Variants in CTNNA3 observed in about 807,000 individuals in gnomAD.
CTNNA3 encodes the protein catenin alpha 3.
Under a neutral mutation model 95.7 loss-of-function variants are expected in CTNNA3, and 76 were observed. The ratio of observed to expected loss-of-function variants is 0.79; its 90% confidence interval spans 0.66 to 0.96. The LOEUF (loss-of-function observed/expected upper bound fraction) is 0.96, where lower values mean the gene tolerates loss of function less well. CTNNA3 is among the 40% of genes least tolerant of loss of function. The pLI is 0.00. For synonymous variants in CTNNA3, 431 were observed against 374.4 expected (o/e 1.15, Z -1.74); for missense variants, 1,191 against 1,089.8 (o/e 1.09, Z -1.31).
At chr10:67,459,530 A>C (rs960067914) in intron 5 of CTNNA3, among the ~76,000 whole-genome samples, 2 of 152,102 alleles carry the variant, frequency 1.3e-5, no homozygotes, top group Non-Finnish European at 2.9e-5. Flanking sequence ...ATGTTTTATA[A>C]GTCTTCTCTA....
intron 1 of CTNNA3, among the ~76,000 whole-genome samples, chr10:67,663,117 T>C (rs539269000): frequency 5.9e-5 from 9 of 152,326 alleles, no homozygotes; most frequent in African/African-American, 2.2e-4. Flanking sequence ...ACCTAACTTC[T>C]TAATAGTATT....
At chr10:66,735,978 GCT>G (rs1849122969) in intron 9 of CTNNA3, among the ~76,000 whole-genome samples, 1 of 152,144 alleles carries the variant, frequency 6.6e-6, no homozygotes, top group African/African-American at 2.4e-5. Flanking sequence ...TTGGGAACAT[GCT>G]TCCCATTTGG....
chr10:67,256,293 G>A (rs900089642), intron 5 of CTNNA3, among the ~76,000 whole-genome samples: 1 of 152,114 alleles, frequency 6.6e-6, no homozygotes, highest in African/African-American at 2.4e-5. Flanking sequence ...TGATGCTAGT[G>A]AAGCAATGTC....
Position 65,914,451 on chromosome 10 carries a change from A to G in CTNNA3, c.*5879T>C, listed in dbSNP as rs1262764174. ...GAGTCTAGCCTTCAGTCGACTCTAA[A>G]AAAGGCCATGTAATTTTAAAACACA... On this transcript the variant is annotated 3_prime_UTR_variant, in exon 18 of 18. Coordinates refer to ENST00000433211, the MANE Select transcript of CTNNA3 (RefSeq NM_013266.4). 1 of 152,198 alleles carries G rather than the reference A, an allele frequency of 6.6e-6. No homozygotes were observed. The allele number at this position is 152,198 out of a possible 1,614,324, so 9.4% of individuals were successfully genotyped here. A position where few individuals can be genotyped will look rare whatever the true frequency, so the allele number is the denominator to read the frequency against.
chr10:67,587,541 C>G lies in CTNNA3; in HGVS notation c.292+19316G>C, dbSNP rs537368042. On this transcript the variant is annotated intron_variant, in intron 3 of 17. Transcript: ENST00000433211. ...AGCACTTTGAATATATCATGCAATTCTTTTCTGGCTTGTAAAGTTTCTGCT... is the reference window on the plus strand; with the variant it reads ...AGCACTTTGAATATATCATGCAATTGTTTTCTGGCTTGTAAAGTTTCTGCT... 5.9e-4 allele frequency among the ~76,000 whole-genome samples: 90 copies of G among 152,210 alleles called. No individual in the cohort carries two copies. In the Middle Eastern group the frequency reaches 0.01, roughly 17 times the overall value.
chr10:67,442,693 T>C (rs964304225), intron 5 of CTNNA3, among the ~76,000 whole-genome samples: 5 of 152,042 alleles, frequency 3.3e-5, no homozygotes, highest in Non-Finnish European at 7.4e-5. Flanking sequence ...TAAATATATA[T>C]GCACCCAATG....
In CTNNA3 at chr10:66,036,532, G is replaced by T. The variant is rs553937946; in HGVS notation, c.2159+32776C>A. Reference sequence around the variant, plus strand: ...TGGGATTACAGGCATGTACCACCACGCCCTGCTAATTTTTTGTATTTTTAG... The same window carrying T: ...TGGGATTACAGGCATGTACCACCACTCCCTGCTAATTTTTTGTATTTTTAG... On this transcript the variant is annotated intron_variant, in intron 15 of 17. Coordinates refer to ENST00000433211, the MANE Select transcript of CTNNA3 (RefSeq NM_013266.4). Among the ~76,000 whole-genome samples, 4 of 152,048 alleles carry T rather than the reference G, an allele frequency of 2.6e-5. No individual in the cohort carries two copies. The East Asian group carries it at 7.8e-4, about 30-fold the overall frequency.
chr10:67,386,669 T>A (rs935396059), intron 5 of CTNNA3, among the ~76,000 whole-genome samples: 1 of 152,172 alleles, frequency 6.6e-6, no homozygotes, highest in African/African-American at 2.4e-5. Flanking sequence ...TATACTTTAA[T>A]CCCAATGGCC....
chr10:67,584,578 A>T (rs920040021), intron 3 of CTNNA3, among the ~76,000 whole-genome samples: 2 of 152,204 alleles, frequency 1.3e-5, no homozygotes, highest in Non-Finnish European at 2.9e-5. Flanking sequence ...TGGGAGAACC[A>T]CTACTCTCTT....
At chr10:65,945,989 G>A (rs2077510876) in intron 17 of CTNNA3, among the ~76,000 whole-genome samples, 1 of 152,138 alleles carries the variant, frequency 6.6e-6, no homozygotes, top group Non-Finnish European at 1.5e-5. Flanking sequence ...TTTCACTAAA[G>A]CTTCCATGCC....
At chr10:66,568,468 C>T (rs797014008) in intron 10 of CTNNA3, among the ~76,000 whole-genome samples, 3 of 152,140 alleles carry the variant, frequency 2.0e-5, no homozygotes, top group African/African-American at 7.2e-5. Flanking sequence ...ACCAATACCC[C>T]TAGGGTGTCT....
At chr10:65,994,701 T>C (rs887640293) in intron 15 of CTNNA3, among the ~76,000 whole-genome samples, 2 of 152,140 alleles carry the variant, frequency 1.3e-5, no homozygotes, top group Non-Finnish European at 2.9e-5. Context: ...ATATCTCTCC[T>C]AAGACTTTTA....
intron 17 of CTNNA3, among the ~76,000 whole-genome samples, chr10:65,960,332 C>G (rs548239436): frequency 6.6e-6 from 1 of 151,552 alleles, no homozygotes. Flanking sequence ...GTCAGGAGGT[C>G]GAGACCACGG....
intron 3 of CTNNA3, among the ~76,000 whole-genome samples, chr10:67,555,166 T>G (rs1351135343): frequency 1.3e-5 from 2 of 152,030 alleles, no homozygotes; most frequent in African/African-American, 4.8e-5. Flanking sequence ...GTCTTGTAGT[T>G]CAGTTTGAAG....
intron 7 of CTNNA3, among the ~76,000 whole-genome samples, chr10:66,882,768 G>T (rs1589373784): frequency 6.6e-6 from 1 of 151,952 alleles, no homozygotes; most frequent in South Asian, 2.1e-4. Context: ...TGAGAGAAGT[G>T]AAATAATTTA....
At chr10:67,641,415 T>C (rs1839528726) in intron 2 of CTNNA3, among the ~76,000 whole-genome samples, 2 of 143,082 alleles carry the variant, frequency 1.4e-5, no homozygotes, top group African/African-American at 4.9e-5. Flanking sequence ...GGTGGGACTG[T>C]AAACTACTTC....
chr10:67,508,138 C>T (rs528405580), intron 5 of CTNNA3, among the ~76,000 whole-genome samples: 2 of 152,156 alleles, frequency 1.3e-5, no homozygotes, highest in Admixed American at 6.5e-5. Context: ...CTCATACTCC[C>T]GAATAGCTGG....
Position 66,320,403 on chromosome 10 carries a change from AAT to A in CTNNA3, c.1733-39784_1733-39783del, listed in dbSNP as rs1250572365. On this transcript the variant is annotated intron_variant, in intron 12 of 17. Transcript: ENST00000433211. ...TCTTGGCATTAAATAATGTTTAATT[AAT>A]ATATGTCAGTGTTACCAAGCATACC... 2.0e-5 allele frequency among the ~76,000 whole-genome samples: 3 copies of A among 152,098 alleles called. No homozygotes were observed. The East Asian group carries it at 5.8e-4, about 29-fold the overall frequency.
intron 5 of CTNNA3, among the ~76,000 whole-genome samples, chr10:67,240,635 T>C (rs904923802): frequency 2.6e-5 from 4 of 152,100 alleles, no homozygotes; most frequent in African/African-American, 4.8e-5. Context: ...AAAGAATTCT[T>C]CAAATTCAAA....
Sources: allele counts gnomAD v4.1 joint callset (sites outside exome capture counted in the v4.1 genomes callset), GRCh38; gene constraint gnomAD v4.1.1; transcripts MANE v1.5; gene names NCBI Gene and HGNC (gene_info 2026-07-23, HGNC 2026-07-21).